The following TTLL7 variants were observed in gnomAD, a reference collection of about 807,000 sequenced individuals.
TTLL7 encodes tubulin tyrosine ligase like 7.
Under a neutral mutation model 120.2 loss-of-function variants are expected in TTLL7, and 53 were observed. That is an observed-to-expected ratio of 0.44 (90% confidence interval 0.35 to 0.55). The LOEUF is 0.55. Among genes scored for constraint, TTLL7 ranks in the 20% least tolerant of loss-of-function variants. The pLI, the probability that TTLL7 is intolerant of heterozygous loss-of-function variation, is 0.00. For missense variants in TTLL7, 803 were observed against 1,054.7 expected, an observed-to-expected ratio of 0.76 and a Z score of 3.31; for synonymous variants, 353 against 351.7, an observed-to-expected ratio of 1.00 and a Z score of -0.04.
intron 17 of TTLL7, 70 bp downstream of exon 17, chr1:83,906,258 TA>T: frequency 7.5e-7 from 1 of 1,337,842 alleles, no homozygotes; most frequent in Non-Finnish European, 1.0e-6. Flanking sequence ...CTTCAGGAAA[TA>T]AATTTTAATA....
chr1:83,980,961 A>G (rs2100604368), intron 1 of TTLL7: 1 of 152,242 alleles, frequency 6.6e-6, no homozygotes, highest in South Asian at 2.1e-4. Flanking sequence ...TACCAGGGGA[A>G]CCACTAAGAA....
At chr1:83,950,069 T>A (rs1265452062) in intron 3 of TTLL7, 83 bp from the exon 4 acceptor site, 1 of 1,237,284 alleles carries the variant, frequency 8.1e-7, no homozygotes, top group Non-Finnish European at 1.1e-6. Context: ...TATCTAAACT[T>A]TAGTTCATAG....
chr1:83,959,198 G>A (rs1483725111), intron 1 of TTLL7, among the ~76,000 whole-genome samples: 1 of 152,176 alleles, frequency 6.6e-6, no homozygotes, highest in Non-Finnish European at 1.5e-5. Context: ...CAGAACTTCT[G>A]AATCAGAAAT....
rs754297571 is a variant in TTLL7, at chr1:83,911,360, G to C, written c.1591C>G (p.Leu531Val). 2.5e-6 allele frequency: 4 copies of C among 1,606,310 alleles called. No individual in the cohort carries two copies. The highest frequency in any genetic ancestry group is 1.1e-5 in the South Asian group (1 of 89,038). ...TCAGTACTCTCAGGCATAGAACACA[G>C]AGGCTAAAAAAGATGGAAATGTGTT... ...KTTKTRGPKP[L>V]CSMPESTEIM... Residue 531 changes from leucine to valine, a missense_variant, in exon 15 of 21, where the codon CTG (leucine) becomes GTG (valine). Leu to Val is a conservative substitution (Grantham distance 32). This residue lies in a region of TTLL7 where 388 missense variants were observed against 450.4 expected (regional missense o/e 0.86). Coordinates refer to ENST00000260505, the MANE Select transcript of TTLL7 (RefSeq NM_024686.6).
intron 1 of TTLL7, among the ~76,000 whole-genome samples, chr1:83,973,900 T>G (rs1651218466): frequency 6.6e-6 from 1 of 151,974 alleles, no homozygotes. Context: ...GGAAGAGTCA[T>G]GAGGGAGACT....
At chr1:83,927,920 T>G (rs1167460146) in intron 10 of TTLL7, among the ~76,000 whole-genome samples, 1 of 152,146 alleles carries the variant, frequency 6.6e-6, no homozygotes, top group African/African-American at 2.4e-5. Context: ...AGAAGGCACT[T>G]CTGAAGCATA....
intron 1 of TTLL7, among the ~76,000 whole-genome samples, chr1:83,964,240 T>A (rs1427428031): frequency 6.6e-6 from 1 of 152,112 alleles, no homozygotes; most frequent in Non-Finnish European, 1.5e-5. Context: ...GGCACCACAA[T>A]CTTTGCCATG....
rs537849034 is a variant in TTLL7 at position 83,891,331 on chromosome 1, A to G, written c.2209-850T>C. 3.9e-5 allele frequency among the ~76,000 whole-genome samples: 6 copies of G among 152,230 alleles called. No homozygotes were observed. The East Asian group carries it at 9.7e-4, about 25-fold the overall frequency. Reference sequence around the variant, plus strand: ...GCATTTCAGAAAAAAGGAAATAAATATGCCCAATAAACATAAAGAACAAAA... The same window carrying G: ...GCATTTCAGAAAAAAGGAAATAAATGTGCCCAATAAACATAAAGAACAAAA... On this transcript the variant is annotated intron_variant, in intron 18 of 20. Coordinates refer to ENST00000260505, the MANE Select transcript of TTLL7 (RefSeq NM_024686.6).
rs116098701 is a variant in TTLL7, at chr1:83,940,929, G to C, written c.723+1534C>G. On this transcript the variant is annotated intron_variant, in intron 7 of 20. Coordinates refer to ENST00000260505, the MANE Select transcript of TTLL7 (RefSeq NM_024686.6). ...GTTAAATTCTAAAATCCTAGACAAG[G>C]CCTACAAAGCCTTAAGAGATCTGGT... is the stretch of plus-strand genomic sequence containing the variant. 6.0e-3 allele frequency among the ~76,000 whole-genome samples: 912 copies of C among 152,018 alleles called. 6 individuals are homozygous for C. The highest frequency in any genetic ancestry group is 7.9e-3 in the Non-Finnish European group (538 of 67,948).
In TTLL7 at chr1:83,947,187, A is replaced by G; in HGVS notation, c.443T>C (p.Leu148Ser). Residue 148 changes from leucine (L) to serine (S), a missense_variant, in exon 6 of 21, where the codon TTG becomes TCG. Physicochemically the swap from Leu to Ser is moderately radical, Grantham distance 145. Coordinates refer to ENST00000260505, the MANE Select transcript of TTLL7 (RefSeq NM_024686.6). The stretch of plus-strand genomic sequence containing the variant: ...AGTTTTCTGCTTCCGTTTTTTCTTC[A>G]ATTCTTTCACATAATTTTGGAATTG... Reference protein sequence around the residue: ...YTQFQNYVKELKKKRKQKTFI... With the variant: ...YTQFQNYVKESKKKRKQKTFI... 6.2e-7 allele frequency: 1 copy of G among 1,613,132 alleles called. No individual in the cohort carries two copies. Among genetic ancestry groups the G allele is most frequent in the Non-Finnish European group, 8.5e-7 (1 of 1,179,586 alleles).
chr1:83,868,828 TTG>T lies in TTLL7; in HGVS notation c.*1132_*1133del, dbSNP rs956933816. On this transcript the variant is annotated 3_prime_UTR_variant, in exon 21 of 21. Coordinates refer to ENST00000260505, the MANE Select transcript of TTLL7 (RefSeq NM_024686.6). ...GACATAAAAGCCATATAGAAAGATT[TTG>T]TTACCATCATTTTCTGTTCCTTTAT... 2 of 152,066 alleles carry T rather than the reference TTG, an allele frequency of 1.3e-5. No homozygotes were observed. The highest frequency in any genetic ancestry group is 2.9e-5 in the Non-Finnish European group (2 of 68,006). The allele number at this position is 152,066 out of a possible 1,614,324, so 9.4% of individuals were successfully genotyped here.
chr1:83,868,608 C>T lies in TTLL7; in HGVS notation c.*1354G>A, dbSNP rs1196743050. 2 of 152,154 alleles carry T rather than the reference C, an allele frequency of 1.3e-5. No individual in the cohort carries two copies. The highest frequency in any genetic ancestry group is 4.8e-5 in the African/African-American group (2 of 41,442). 9.4% of individuals were successfully genotyped at this position (152,154 alleles called of 1,614,324 possible). A position where few individuals can be genotyped will look rare whatever the true frequency, so the allele number is the denominator to read the frequency against. On this transcript the variant is annotated 3_prime_UTR_variant, in exon 21 of 21. Coordinates refer to ENST00000260505, the MANE Select transcript of TTLL7 (RefSeq NM_024686.6). ...GTTTCTGTGGTGCAATGAGAAACTA[C>T]TGTATTAGAATTTGCAATATAAGTT...
chr1:83,942,329 T>C (rs1353676804), intron 7 of TTLL7, 134 bp downstream of exon 7: 1 of 648,410 alleles, frequency 1.5e-6, no homozygotes, highest in Non-Finnish European at 2.6e-6. Context: ...CTTATTTATG[T>C]ACACAATTCT....
At chr1:83,870,694 T>G (rs975096142) in intron 20 of TTLL7, among the ~76,000 whole-genome samples, 1 of 152,016 alleles carries the variant, frequency 6.6e-6, no homozygotes, top group Non-Finnish European at 1.5e-5. Context: ...GCGGGTCATC[T>G]GAGGTTGGGA....
At chr1:83,929,337 T>C (rs1039504632) in intron 9 of TTLL7, 107 bp from the exon 10 acceptor site, 1 of 742,322 alleles carries the variant, frequency 1.3e-6, no homozygotes, top group South Asian at 2.0e-5. Context: ...ACATTAAACC[T>C]CAAAGCTTTA....
At chr1:83,970,925 A>C (rs1650915948) in intron 1 of TTLL7, among the ~76,000 whole-genome samples, 1 of 152,034 alleles carries the variant, frequency 6.6e-6, no homozygotes. Context: ...TAACCCAACT[A>C]GGGTCAACCA....
At chr1:83,941,082 T>C (rs1214081257) in intron 7 of TTLL7, among the ~76,000 whole-genome samples, 1 of 152,176 alleles carries the variant, frequency 6.6e-6, no homozygotes. Context: ...TTCTTTTGCC[T>C]GGAGCTCCAT....
At chr1:83,926,158 T>C (rs1487029306) in intron 10 of TTLL7, among the ~76,000 whole-genome samples, 1 of 151,800 alleles carries the variant, frequency 6.6e-6, no homozygotes, top group African/African-American at 2.4e-5. Flanking sequence ...GTGATTAGGT[T>C]TAACCTTTGT....
intron 18 of TTLL7, among the ~76,000 whole-genome samples, chr1:83,895,390 A>C (rs1571100475): frequency 6.6e-6 from 1 of 152,178 alleles, no homozygotes; most frequent in South Asian, 2.1e-4. Flanking sequence ...ACTTTTACAT[A>C]TATTAACTCA....
Sources: allele counts gnomAD v4.1 joint callset (sites outside exome capture counted in the v4.1 genomes callset), GRCh38; gene constraint gnomAD v4.1.1; regional missense constraint gnomAD v4.1.1; transcripts MANE v1.5; gene names NCBI Gene and HGNC (gene_info 2026-07-23, HGNC 2026-07-21).